Variants in CYBC1 observed in about 807,000 individuals in gnomAD.
The protein encoded by CYBC1 is cytochrome b-245 chaperone 1, also known as essential for reactive oxygen species protein.
A neutral mutation model predicts 21.7 loss-of-function variants in CYBC1; 22 were observed. That is an observed-to-expected ratio of 1.02 (90% confidence interval 0.73 to 1.45). CYBC1 has a LOEUF of 1.45. Among genes scored for constraint, CYBC1 ranks in the 40% most tolerant of loss-of-function variants. CYBC1 has a pLI of 0.00. For synonymous variants in CYBC1, 112 were observed against 98.7 expected (o/e 1.13, Z -0.80); for missense variants, 237 against 242.1 (o/e 0.98, Z 0.14).
At chr17:82,444,419 C>T (rs374429708) in intron 6 of CYBC1, 28 bp downstream of exon 6, 44 of 1,584,406 alleles carry the variant, frequency 2.8e-5, no homozygotes, top group Middle Eastern at 1.7e-4. Context: ...GCTGCAGCTC[C>T]GGCCAGATCA....
In CYBC1 at chr17:82,442,650, T is replaced by C. The variant is rs1599766441; in HGVS notation, c.*1354A>G. On this transcript the variant is annotated 3_prime_UTR_variant, in exon 7 of 7. Transcript: ENST00000306645. This position sits in a 1 kb window ranked among gnomAD's most constrained non-coding sequence, Gnocchi z 6.8. The stretch of plus-strand genomic sequence containing the variant: ...AAGAGTGGAAGCTGCAGGTGACACG[T>C]GAAGGGTTATTTATGGTTATGATGA... 1 of 1,475,326 alleles carries C rather than the reference T, an allele frequency of 6.8e-7. No homozygotes were observed. The highest frequency in any genetic ancestry group is 9.2e-7 in the Non-Finnish European group (1 of 1,086,674). 91.4% of individuals were successfully genotyped at this position (1,475,326 alleles called of 1,614,324 possible). A position where few individuals can be genotyped will look rare whatever the true frequency, so the allele number is the denominator to read the frequency against.
chr17:82,446,206 C>T (rs558198509), intron 4 of CYBC1, among the ~76,000 whole-genome samples: 5 of 152,314 alleles, frequency 3.3e-5, no homozygotes, highest in East Asian at 1.9e-4. Context: ...CTCCACCCTG[C>T]AGGCAAAACA....
chr17:82,447,371 A>C, intron 3 of CYBC1: 2 of 582,018 alleles, frequency 3.4e-6, no homozygotes, highest in Non-Finnish European at 6.1e-6. Context: ...AAAAAAAAGA[A>C]GTGAAATGTG....
In CYBC1 at chr17:82,444,219, C is replaced by A. The variant is rs865999237; in HGVS notation, c.444-95G>T. On this transcript the variant is annotated intron_variant, in intron 6 of 6. Transcript: ENST00000306645. ...GTCTCCTCCTCGACCACCTACCTCC[C>A]GCAGACCCTGGAGCTCCCAAACTGG... 29 of 1,528,966 alleles carry A rather than the reference C, an allele frequency of 1.9e-5. No homozygotes were observed. The African/African-American group carries it at 3.1e-4, about 17-fold the overall frequency. 94.7% of individuals were successfully genotyped at this position (1,528,966 alleles called of 1,614,324 possible). A position where few individuals can be genotyped will look rare whatever the true frequency, so the allele number is the denominator to read the frequency against.
At chr17:82,449,522 T>C in intron 1 of CYBC1, 1 of 392,444 alleles carries the variant, frequency 2.5e-6, no homozygotes, top group Non-Finnish European at 4.5e-6. Flanking sequence ...CGACACCGAC[T>C]GCGCGGGGGC....
intron 5 of CYBC1, chr17:82,445,333 G>A: frequency 6.2e-6 from 1 of 162,352 alleles, no homozygotes. Context: ...GGACCATCCA[G>A]CCCCTACTGC....
At chr17:82,445,655 G>A (rs2054237691) in intron 5 of CYBC1, 1 of 521,394 alleles carries the variant, frequency 1.9e-6, no homozygotes, top group South Asian at 2.1e-5. Flanking sequence ...AACCCAGGAG[G>A]CTCTAGGACC....
chr17:82,444,642 C>A (rs374252235), intron 5 of CYBC1, 51 bp from the exon 6 acceptor site: 1 of 1,549,356 alleles, frequency 6.5e-7, no homozygotes, highest in Non-Finnish European at 8.8e-7. Flanking sequence ...ACATGCTGCC[C>A]GGCAGTCGCA....
intron 2 of CYBC1, 200 bp downstream of exon 2, chr17:82,448,970 A>C: frequency 1.8e-6 from 1 of 566,210 alleles, no homozygotes; most frequent in South Asian, 2.4e-5. Flanking sequence ...GGTGTTAGTG[A>C]TTAAAAGGGG....
intron 4 of CYBC1, 43 bp downstream of exon 4, chr17:82,446,580 C>T: frequency 1.9e-6 from 3 of 1,595,828 alleles, no homozygotes; most frequent in Admixed American, 1.7e-5. Flanking sequence ...AACCCAGGAG[C>T]TGAACAGCCC....
At chr17:82,446,887 C>T in intron 3 of CYBC1, 191 bp from the exon 4 acceptor site, 6 of 603,804 alleles carry the variant, frequency 9.9e-6, no homozygotes, top group South Asian at 2.0e-5. Context: ...CCAGCTCTGA[C>T]CCCCAGAGTC....
intron 3 of CYBC1, chr17:82,447,297 G>A (rs1297046715): frequency 2.1e-6 from 1 of 475,480 alleles, no homozygotes; most frequent in East Asian, 4.3e-5. Context: ...AGCTTGCAGT[G>A]AGCCGAGATC....
At chr17:82,445,572 C>T in intron 5 of CYBC1, 1 of 325,428 alleles carries the variant, frequency 3.1e-6, no homozygotes, top group Non-Finnish European at 5.7e-6. Flanking sequence ...GCTCCTCAGA[C>T]CCCTGCTCTG....
chr17:82,446,242 A>C (rs1409476617), intron 4 of CYBC1, among the ~76,000 whole-genome samples: 1 of 152,228 alleles, frequency 6.6e-6, no homozygotes, highest in Non-Finnish European at 1.5e-5. Flanking sequence ...TGGAACCAGC[A>C]AACGAGGGCA....
At chr17:82,449,045 A>G (rs2054446126) in intron 2 of CYBC1, 125 bp downstream of exon 2, 1 of 777,928 alleles carries the variant, frequency 1.3e-6, no homozygotes, top group Non-Finnish European at 2.1e-6. Flanking sequence ...GGATACAAAG[A>G]AACAAAATAG....
chr17:82,447,556 G>T (rs893728808), intron 3 of CYBC1, 24 bp downstream of exon 3: 96 of 1,579,080 alleles, frequency 6.1e-5, no homozygotes, highest in Non-Finnish European at 7.6e-5. Flanking sequence ...CAGTCATGGG[G>T]GGGTGGGGCG....
intron 5 of CYBC1, chr17:82,445,598 T>TC (rs75030933): frequency 0.15 from 58,888 of 386,472 alleles, 5,418 homozygotes; most frequent in Admixed American, 0.28. Context: ...CCCCTGCTCC[T>TC]CAGACCCCTG....
At chr17:82,445,475 G>C in intron 5 of CYBC1, 12 of 172,400 alleles carry the variant, frequency 7.0e-5, no homozygotes, top group South Asian at 1.2e-4. Context: ...GCTGGGGCCA[G>C]ACTGCACCTG....
At chr17:82,445,707 TGCTTCCA>T in intron 5 of CYBC1, 150 bp downstream of exon 5, 1 of 586,298 alleles carries the variant, frequency 1.7e-6, no homozygotes, top group Non-Finnish European at 3.0e-6. Flanking sequence ...CGTGGGATCC[TGCTTCCA>T]GCGGGCAGGA....
Sources: allele counts gnomAD v4.1 joint callset (sites outside exome capture counted in the v4.1 genomes callset), GRCh38; gene constraint gnomAD v4.1.1; non-coding constraint Gnocchi (gnomAD v3.1); transcripts MANE v1.5; gene names NCBI Gene and HGNC (gene_info 2026-07-23, HGNC 2026-07-21).